The following RBMS3 variants were observed in gnomAD, a reference collection of about 807,000 sequenced individuals.
RBMS3 encodes RNA binding motif single stranded interacting protein 3, also known as RNA-binding motif, single-stranded-interacting protein 3.
In RBMS3, 27 loss-of-function variants were observed where a neutral mutation model predicts 66.8. The observed-to-expected ratio is 0.40, with a 90% CI of 0.30 to 0.56. The LOEUF (loss-of-function observed/expected upper bound fraction) is 0.56, where lower values mean the gene tolerates loss of function less well. Ranked by LOEUF, RBMS3 falls within the 20% of genes least tolerant of loss-of-function variation. The pLI is 0.40. For synonymous variants in RBMS3, 188 were observed against 183.0 expected, an observed-to-expected ratio of 1.03 and a Z score of -0.22; for missense variants, 513 against 549.5, an observed-to-expected ratio of 0.93 and a Z score of 0.66.
chr3:29,483,221 AT>A (rs1415440747), intron 2 of RBMS3, among the ~76,000 whole-genome samples: 3 of 149,580 alleles, frequency 2.0e-5, no homozygotes, highest in Non-Finnish European at 4.4e-5. Context: ...AGGCAGGAGA[AT>A]GGCGTGAACC....
chr3:29,796,183 T>C (rs1464257247), intron 6 of RBMS3, among the ~76,000 whole-genome samples: 1 of 152,204 alleles, frequency 6.6e-6, no homozygotes, highest in Non-Finnish European at 1.5e-5. Flanking sequence ...CCTAAAAACA[T>C]GTATATTGGG....
At chr3:29,657,897 T>C (rs769469005) in intron 4 of RBMS3, among the ~76,000 whole-genome samples, 4 of 152,196 alleles carry the variant, frequency 2.6e-5, no homozygotes, top group Non-Finnish European at 5.9e-5. Flanking sequence ...ATGAAAAGCA[T>C]AGGTTTATTT....
intron 3 of RBMS3, among the ~76,000 whole-genome samples, chr3:29,536,253 A>C (rs1257996246): frequency 1.3e-5 from 2 of 152,172 alleles, no homozygotes; most frequent in Non-Finnish European, 2.9e-5. Flanking sequence ...TGGTAATTTC[A>C]TTAAATGGAA....
chr3:29,494,366 T>C (rs2043661219), intron 3 of RBMS3, among the ~76,000 whole-genome samples: 1 of 152,172 alleles, frequency 6.6e-6, no homozygotes, highest in Non-Finnish European at 1.5e-5. Context: ...ACTTTCAACA[T>C]AACCTCTCGT....
intron 4 of RBMS3, among the ~76,000 whole-genome samples, chr3:29,632,881 C>T (rs2049337509): frequency 6.6e-6 from 1 of 151,876 alleles, no homozygotes; most frequent in Admixed American, 6.6e-5. Context: ...GATACAGTTT[C>T]TACTGGCACT....
chr3:29,599,595 A>G (rs1408006920), intron 4 of RBMS3, among the ~76,000 whole-genome samples: 2 of 152,076 alleles, frequency 1.3e-5, no homozygotes, highest in Non-Finnish European at 2.9e-5. Context: ...CCACATTCCA[A>G]TCAACATGAA....
chr3:29,912,392 A>C (rs1229783160), intron 10 of RBMS3, among the ~76,000 whole-genome samples: 2 of 152,082 alleles, frequency 1.3e-5, no homozygotes, highest in Non-Finnish European at 2.9e-5. Context: ...CCAACTTATT[A>C]GGGAAAATGA....
intron 1 of RBMS3, among the ~76,000 whole-genome samples, chr3:29,333,058 C>T (rs908649062): frequency 9.9e-5 from 15 of 151,936 alleles, no homozygotes; most frequent in African/African-American, 3.4e-4. Context: ...AAAATCTAAC[C>T]TTTTACCTAG....
At chr3:29,574,928 CT>C (rs1244332669) in intron 3 of RBMS3, among the ~76,000 whole-genome samples, 1 of 151,908 alleles carries the variant, frequency 6.6e-6, no homozygotes, top group African/African-American at 2.4e-5. Context: ...TGTTATTTCT[CT>C]TTATGTCTTA....
At chr3:29,412,903 A>AG (rs1438511599) in intron 1 of RBMS3, among the ~76,000 whole-genome samples, 2 of 152,218 alleles carry the variant, frequency 1.3e-5, no homozygotes, top group East Asian at 3.8e-4. Flanking sequence ...GGGAACCAGG[A>AG]GGAAGGCATT....
intron 4 of RBMS3, among the ~76,000 whole-genome samples, chr3:29,612,806 A>G (rs2048536545): frequency 6.6e-6 from 1 of 152,188 alleles, no homozygotes; most frequent in Admixed American, 6.6e-5. Flanking sequence ...CCAAAGCTTC[A>G]GTGGAGAATT....
intron 1 of RBMS3, among the ~76,000 whole-genome samples, chr3:29,355,494 C>T (rs1356643376): frequency 2.6e-5 from 4 of 151,792 alleles, no homozygotes; most frequent in African/African-American, 4.8e-5. Context: ...TTTGGAACTT[C>T]CTAACACATT....
chr3:29,292,336 G>A lies in RBMS3; in HGVS notation c.75+10580G>A, dbSNP rs370376915. ...AGTGGTCCTAAGAAGACACATTCCT[G>A]TTCTTTCCAGTTATAATTTATTTAA... On this transcript the variant is annotated intron_variant, in intron 1 of 14. Transcript: ENST00000383767. 4.0e-5 allele frequency among the ~76,000 whole-genome samples: 6 copies of A among 151,656 alleles called. No individual in the cohort carries two copies. In the East Asian group the frequency reaches 5.8e-4, roughly 15 times the overall value.
chr3:29,601,348 G>A (rs184184658), intron 4 of RBMS3, among the ~76,000 whole-genome samples: 3 of 151,840 alleles, frequency 2.0e-5, no homozygotes, highest in South Asian at 2.1e-4. Context: ...TGTCATCTTC[G>A]AAATTATGAA....
chr3:29,403,492 A>G (rs925593439), intron 1 of RBMS3, among the ~76,000 whole-genome samples: 1 of 152,024 alleles, frequency 6.6e-6, no homozygotes, highest in Non-Finnish European at 1.5e-5. Flanking sequence ...ACCAGGGAAG[A>G]TGAGCTGGGG....
chr3:29,899,797 C>T (rs953448774), intron 10 of RBMS3, 42 bp downstream of exon 10: 4 of 1,581,022 alleles, frequency 2.5e-6, no homozygotes, highest in African/African-American at 1.4e-5. Flanking sequence ...TTCTATTATC[C>T]AAGTACAAGC....
chr3:29,743,571 C>T (rs2054733379), intron 5 of RBMS3, among the ~76,000 whole-genome samples: 1 of 152,100 alleles, frequency 6.6e-6, no homozygotes, highest in South Asian at 2.1e-4. Flanking sequence ...TACTAACAAG[C>T]ACTTTAGATG....
chr3:29,386,811 C>T (rs1351115077), intron 1 of RBMS3, among the ~76,000 whole-genome samples: 1 of 152,148 alleles, frequency 6.6e-6, no homozygotes, highest in Non-Finnish European at 1.5e-5. Context: ...CTCCTAAAGC[C>T]ACTTCAATCA....
intron 1 of RBMS3, among the ~76,000 whole-genome samples, chr3:29,413,349 AAG>A (rs1250557284): frequency 1.3e-5 from 2 of 151,754 alleles, no homozygotes; most frequent in African/African-American, 2.4e-5. Context: ...GGCCTGGGCA[AAG>A]AGAGTGAAAC....
Sources: gnomAD v4.1 joint callset for allele counts (sites outside exome capture counted in the v4.1 genomes callset) on GRCh38, gnomAD v4.1.1 for gene constraint, MANE v1.5 for transcripts, NCBI Gene and HGNC (gene_info 2026-07-23, HGNC 2026-07-21) for gene names.